RTF2: variants seen among roughly 807,000 people sequenced by gnomAD.
The protein encoded by RTF2 is replication termination factor 2.
In RTF2, 18 loss-of-function variants were observed where a neutral mutation model predicts 38.0. The ratio of observed to expected loss-of-function variants is 0.47; its 90% confidence interval spans 0.33 to 0.70. The LOEUF (loss-of-function observed/expected upper bound fraction) is 0.70. Ranked by LOEUF, RTF2 falls within the 30% of genes least tolerant of loss-of-function variation. The pLI is 0.02. For missense variants in RTF2, 311 were observed against 379.6 expected, an observed-to-expected ratio of 0.82 and a Z score of 1.50; for synonymous variants, 126 against 137.1, an observed-to-expected ratio of 0.92 and a Z score of 0.57.
chr20:56,470,824 C>T (rs555503195), intron 1 of RTF2: 2 of 370,846 alleles, frequency 5.4e-6, no homozygotes, highest in South Asian at 3.9e-5. Context: ...ATCCACATGC[C>T]AGGAGAGTTA....
chr20:56,510,728 C>T (rs1984602903), intron 5 of RTF2, among the ~76,000 whole-genome samples: 1 of 152,036 alleles, frequency 6.6e-6, no homozygotes, highest in African/African-American at 2.4e-5. Context: ...TTACCTGAGC[C>T]CAGAAGTTCA....
At chr20:56,478,741 C>G (rs1157707851) in intron 4 of RTF2, among the ~76,000 whole-genome samples, 1 of 152,096 alleles carries the variant, frequency 6.6e-6, no homozygotes. Context: ...TACAGTAAGA[C>G]AGCAATAGAA....
chr20:56,472,413 G>A, intron 1 of RTF2: 1 of 1,525,990 alleles, frequency 6.6e-7, no homozygotes, highest in Non-Finnish European at 8.9e-7. Flanking sequence ...CATGGAATAT[G>A]ATGTATGTGA....
At chr20:56,510,346 T>C (rs1984564334) in intron 5 of RTF2, among the ~76,000 whole-genome samples, 1 of 152,186 alleles carries the variant, frequency 6.6e-6, no homozygotes, top group African/African-American at 2.4e-5. Flanking sequence ...TCCTGAGCAT[T>C]GTGCTGTGAG....
Position 56,468,678 on chromosome 20 carries a change from G to T in RTF2, c.-20G>T, listed in dbSNP as rs910173816. The stretch of plus-strand genomic sequence containing the variant: ...TGACAGCTTTGGGGGTTTGCTGCTG[G>T]CTCTGACTCCCGTCCTGCGATGGGT... On this transcript the variant is annotated 5_prime_UTR_variant, in exon 1 of 9. Coordinates refer to ENST00000357348, the MANE Select transcript of RTF2 (RefSeq NM_016407.5). The T allele has an allele frequency of 1.9e-6, 3 of 1,564,000 alleles. No individual in the cohort carries two copies. In the African/African-American group the frequency reaches 4.1e-5, roughly 21 times the overall value.
At chr20:56,473,736 G>A (rs982350446) in intron 2 of RTF2, among the ~76,000 whole-genome samples, 1 of 152,090 alleles carries the variant, frequency 6.6e-6, no homozygotes, top group Non-Finnish European at 1.5e-5. Context: ...AATTAAATTA[G>A]CCAGGCACCT....
At chr20:56,474,124 T>C (rs1169314931) in intron 2 of RTF2, among the ~76,000 whole-genome samples, 9 of 152,222 alleles carry the variant, frequency 5.9e-5, no homozygotes, top group Non-Finnish European at 1.3e-4. Context: ...AATTTCCCAA[T>C]TAAAAAAAGC....
chr20:56,518,188 T>C lies in RTF2; in HGVS notation c.844T>C (p.Phe282Leu). The C allele has an allele frequency of 6.2e-7, 1 of 1,614,150 alleles. No homozygotes were observed. Among genetic ancestry groups the C allele is most frequent in the Non-Finnish European group, 8.5e-7 (1 of 1,180,020 alleles). Residue 282 changes from phenylalanine to leucine, a missense_variant, in exon 9 of 9, where the codon TTT becomes CTT. Coordinates refer to ENST00000357348, the MANE Select transcript of RTF2 (RefSeq NM_016407.5). ...AGAATCGGAGGCCTACAAGTCCCTC[T>C]TTACCACTCACAGCTCCGCCAAGCG... The part of the protein sequence containing the change: ...SEESEAYKSL[F>L]TTHSSAKRSK...
At chr20:56,492,529 G>A (rs112097963) in intron 5 of RTF2, among the ~76,000 whole-genome samples, 26 of 149,116 alleles carry the variant, frequency 1.7e-4, no homozygotes, top group African/African-American at 6.4e-4. Flanking sequence ...AGACCAGCCT[G>A]GGCAATAGAG....
chr20:56,496,743 A>G, intron 5 of RTF2: 2 of 1,552,158 alleles, frequency 1.3e-6, no homozygotes, highest in South Asian at 1.2e-5. Flanking sequence ...TATGAACTCT[A>G]CAAACTTCCT....
chr20:56,476,987 T>A lies in RTF2; in HGVS notation c.261T>A (p.Asn87Lys). 6.2e-7 allele frequency: 1 copy of A among 1,613,920 alleles called. No individual in the cohort carries two copies. The change falls in exon 4 of 9, where the codon AAT becomes AAA. Residue 87 changes from asparagine (N) to lysine (K), a missense_variant and splice_region_variant. Coordinates refer to ENST00000357348, the MANE Select transcript of RTF2 (RefSeq NM_016407.5). ...KAASHIKSIKNVTELKLSDNP... is the reference protein window; with the variant it reads ...KAASHIKSIKKVTELKLSDNP... ...AAAATATTAATGGTTTTTCCCAGAA[T>A]GTGACAGAGCTGAAGCTTTCTGATA...
chr20:56,500,979 TA>T (rs201207164), intron 5 of RTF2, among the ~76,000 whole-genome samples: 7 of 151,902 alleles, frequency 4.6e-5, no homozygotes, highest in African/African-American at 1.7e-4. Flanking sequence ...CTTTTTTTTT[TA>T]AAAAAAATCT....
intron 1 of RTF2, among the ~76,000 whole-genome samples, chr20:56,472,849 C>G (rs1425716535): frequency 1.3e-5 from 2 of 152,092 alleles, no homozygotes; most frequent in Admixed American, 1.3e-4. Context: ...CTTTTAAAAT[C>G]CTGACTTCAG....
At chr20:56,496,554 A>T in intron 5 of RTF2, 1 of 1,375,360 alleles carries the variant, frequency 7.3e-7, no homozygotes, top group Non-Finnish European at 9.6e-7. Flanking sequence ...TCTCAAAATC[A>T]GTCAGTCAAT....
At chr20:56,515,527 G>A (rs1252569958) in intron 6 of RTF2, among the ~76,000 whole-genome samples, 6 of 151,674 alleles carry the variant, frequency 4.0e-5, no homozygotes, top group Non-Finnish European at 8.8e-5. Flanking sequence ...AGCCAAGATC[G>A]TACCACTGCA....
chr20:56,495,343 A>G (rs1408264643), intron 5 of RTF2: 1 of 1,367,882 alleles, frequency 7.3e-7, no homozygotes, highest in Non-Finnish European at 1.0e-6. Context: ...TCTGCTTCCC[A>G]GTTCTTTTAG....
At chr20:56,497,606 C>T (rs1983639421) in intron 5 of RTF2, 1 of 1,307,132 alleles carries the variant, frequency 7.7e-7, no homozygotes, top group Non-Finnish European at 1.0e-6. Flanking sequence ...GAAGCTGGCT[C>T]ATATCTTGAG....
intron 8 of RTF2, 117 bp from the exon 9 acceptor site, chr20:56,517,970 C>T: frequency 2.0e-6 from 2 of 1,019,202 alleles, no homozygotes; most frequent in Non-Finnish European, 2.9e-6. Flanking sequence ...CCAGCACTCA[C>T]ACAGCCAGCA....
Position 56,493,766 on chromosome 20 carries a change from A to G in RTF2, c.477+9577A>G, listed in dbSNP as rs549539980. The stretch of plus-strand genomic sequence containing the variant: ...TTGATTATAATGATACAGCTGTGCC[A>G]TTTAGACACAGATGAAGTTGAACTA... On this transcript the variant is annotated intron_variant, in intron 5 of 8. Transcript: ENST00000357348. 7.2e-5 allele frequency among the ~76,000 whole-genome samples: 11 copies of G among 152,318 alleles called. No individual in the cohort carries two copies. The South Asian group carries it at 1.0e-3, about 14-fold the overall frequency.
Sources: gnomAD v4.1 joint callset for allele counts (sites outside exome capture counted in the v4.1 genomes callset) on GRCh38, gnomAD v4.1.1 for gene constraint, MANE v1.5 for transcripts, NCBI Gene and HGNC (gene_info 2026-07-23, HGNC 2026-07-21) for gene names.